STRA8: variants seen among roughly 807,000 people sequenced by gnomAD.
The protein encoded by STRA8 is stimulated by retinoic acid gene 8 protein homolog.
A neutral mutation model predicts 37.1 loss-of-function variants in STRA8; 18 were observed. The observed-to-expected ratio is 0.48, with a 90% CI of 0.34 to 0.72. STRA8 has a LOEUF of 0.72. Among genes scored for constraint, STRA8 ranks in the 30% least tolerant of loss-of-function variants. The pLI is 0.01. For synonymous variants in STRA8, 168 were observed against 162.9 expected, an observed-to-expected ratio of 1.03 and a Z score of -0.24; for missense variants, 357 against 410.4, an observed-to-expected ratio of 0.87 and a Z score of 1.13.
chr7:135,246,300 T>C lies in STRA8; in HGVS notation c.594-117T>C. 1 of 1,364,628 alleles carries C rather than the reference T, an allele frequency of 7.3e-7. No individual in the cohort carries two copies. Among genetic ancestry groups the C allele is most frequent in the Non-Finnish European group, 1.0e-6 (1 of 983,416 alleles). 84.5% of individuals were successfully genotyped at this position (1,364,628 alleles called of 1,614,324 possible). A position where few individuals can be genotyped will look rare whatever the true frequency, so the allele number is the denominator to read the frequency against. ...TGCAGAGTCTGAGAAGTCTCAGCCC[T>C]GGTGAGCCGTGGCGCCGTGGCCGGG... On this transcript the variant is annotated intron_variant, in intron 5 of 8. Transcript: ENST00000662584. The surrounding 1 kb of genome is among the most constrained non-coding windows in gnomAD (Gnocchi z 5.4).
At chr7:135,241,390 T>A (rs1037349994) in intron 2 of STRA8, among the ~76,000 whole-genome samples, 2 of 152,146 alleles carry the variant, frequency 1.3e-5, no homozygotes, top group Admixed American at 1.3e-4. Flanking sequence ...TCAAGTCTCC[T>A]TTTTAGGCAC....
intron 6 of STRA8, among the ~76,000 whole-genome samples, chr7:135,250,601 G>A (rs945037830): frequency 1.3e-5 from 2 of 152,210 alleles, no homozygotes; most frequent in African/African-American, 4.8e-5. Flanking sequence ...GTGTGTTGCA[G>A]GAAGGGAAGA....
Position 135,246,718 on chromosome 7 carries a change from G to A in STRA8, c.879+16G>A, listed in dbSNP as rs1222620040. ...GCCCGAGGAGGTGAGCAGGCCCACCGGGGTGGCGTGGATGGGGCACGGGAA... is the reference window on the plus strand; with the variant it reads ...GCCCGAGGAGGTGAGCAGGCCCACCAGGGTGGCGTGGATGGGGCACGGGAA... On this transcript the variant is annotated intron_variant, in intron 6 of 8. Coordinates refer to ENST00000662584, the MANE Select transcript of STRA8 (RefSeq NM_001394401.1). The surrounding 1 kb of genome is among the most constrained non-coding windows in gnomAD (Gnocchi z 5.4). 2.0e-6 allele frequency: 3 copies of A among 1,505,056 alleles called. No individual in the cohort carries two copies. The highest frequency in any genetic ancestry group is 2.5e-5 in the East Asian group (1 of 40,572). The allele number at this position is 1,505,056 out of a possible 1,614,324, so 93.2% of individuals were successfully genotyped here.
At chr7:135,255,292 G>A (rs1232487307) in intron 8 of STRA8, 67 bp downstream of exon 8, 16 of 1,253,614 alleles carry the variant, frequency 1.3e-5, no homozygotes, top group Non-Finnish European at 1.6e-5. Flanking sequence ...GGGCTCTTAA[G>A]GGCAGCCCTA....
At chr7:135,253,958 C>G (rs917198022) in intron 7 of STRA8, among the ~76,000 whole-genome samples, 3 of 152,174 alleles carry the variant, frequency 2.0e-5, no homozygotes, top group Non-Finnish European at 4.4e-5. Context: ...ACCCAGCTGG[C>G]CTTTCAGCAG....
chr7:135,234,088 G>GATTATTATT lies in STRA8; in HGVS notation c.-7+187_-7+188insTATTATTAT, dbSNP rs1491416343. On this transcript the variant is annotated intron_variant, in intron 1 of 8. Coordinates refer to ENST00000662584, the MANE Select transcript of STRA8 (RefSeq NM_001394401.1). ...TTTGAGAGTGATTCTGGATGATGAT[G>GATTATTATT]ATGATGATGATGATGATTATTATTA... 3.2e-4 allele frequency among the ~76,000 whole-genome samples: 48 copies of GATTATTATT among 148,184 alleles called. 1 individual carries two copies. The highest frequency in any genetic ancestry group is 1.2e-3 in the African/African-American group (48 of 39,540).
intron 8 of STRA8, 84 bp from the exon 9 acceptor site, chr7:135,258,334 C>T (rs574615098): frequency 1.4e-5 from 16 of 1,128,936 alleles, no homozygotes; most frequent in African/African-American, 6.2e-5. Flanking sequence ...GCTGGGCACA[C>T]CGGAGATGCA....
At chr7:135,245,240 A>C in intron 4 of STRA8, 48 bp from the exon 5 acceptor site, 1 of 780,396 alleles carries the variant, frequency 1.3e-6, no homozygotes, top group Admixed American at 1.7e-5. Context: ...GTCCATGTTC[A>C]TGAGGGATAT....
intron 4 of STRA8, among the ~76,000 whole-genome samples, chr7:135,243,961 G>T (rs1050874910): frequency 6.6e-6 from 1 of 152,232 alleles, no homozygotes; most frequent in Non-Finnish European, 1.5e-5. Flanking sequence ...AATGCTGAAA[G>T]GGGAACATTA....
intron 1 of STRA8, among the ~76,000 whole-genome samples, chr7:135,239,093 C>G (rs958566296): frequency 1.3e-5 from 2 of 152,236 alleles, no homozygotes; most frequent in African/African-American, 4.8e-5. Context: ...AAAAGTGTTT[C>G]AACATCCCAC....
chr7:135,243,189 T>G (rs1003385924), intron 3 of STRA8, 137 bp from the exon 4 acceptor site: 1 of 792,808 alleles, frequency 1.3e-6, no homozygotes, highest in South Asian at 1.8e-5. Flanking sequence ...AAGGAAAAAC[T>G]GGACCCTGGT....
intron 6 of STRA8, among the ~76,000 whole-genome samples, chr7:135,247,691 T>A (rs1297973512): frequency 6.6e-6 from 1 of 152,214 alleles, no homozygotes; most frequent in Non-Finnish European, 1.5e-5. Context: ...CAAAGAGCAC[T>A]GGGATCGCTC....
chr7:135,235,988 G>A (rs1743942682), intron 1 of STRA8, among the ~76,000 whole-genome samples: 1 of 151,964 alleles, frequency 6.6e-6, no homozygotes, highest in South Asian at 2.1e-4. Context: ...TGTAGTCCTA[G>A]CTACTCAGGA....
chr7:135,253,098 C>A (rs1240799922), intron 7 of STRA8, among the ~76,000 whole-genome samples: 2 of 152,146 alleles, frequency 1.3e-5, no homozygotes, highest in Admixed American at 6.5e-5. Context: ...CTATGCTCAG[C>A]TAATTTTTGT....
chr7:135,254,997 G>A, intron 7 of STRA8, 117 bp from the exon 8 acceptor site: 1 of 798,436 alleles, frequency 1.3e-6, no homozygotes, highest in Non-Finnish European at 2.2e-6. Flanking sequence ...TGGGCTGTCT[G>A]AGAATTTACA....
chr7:135,242,239 AGAGG>A (rs1315955467), intron 2 of STRA8, among the ~76,000 whole-genome samples: 9 of 88,390 alleles, frequency 1.0e-4, no homozygotes, highest in Non-Finnish European at 1.8e-4. Flanking sequence ...AGGGAGGGAG[AGAGG>A]GAGGGAGGGA....
chr7:135,235,424 CAT>C (rs1456993268), intron 1 of STRA8, among the ~76,000 whole-genome samples: 1 of 145,422 alleles, frequency 6.9e-6, no homozygotes, highest in Non-Finnish European at 1.5e-5. Context: ...TCCAGATACT[CAT>C]AGAATCATGA....
intron 1 of STRA8, among the ~76,000 whole-genome samples, chr7:135,238,337 C>T (rs1585467466): frequency 6.6e-6 from 1 of 152,174 alleles, no homozygotes; most frequent in African/African-American, 2.4e-5. Context: ...GCAGCCCTGG[C>T]GGCTCCTAGA....
chr7:135,235,055 A>G (rs1832349658), intron 1 of STRA8, among the ~76,000 whole-genome samples: 1 of 152,014 alleles, frequency 6.6e-6, no homozygotes. Context: ...TATTTTTTGT[A>G]GAAATGGGGT....
Sources: gnomAD v4.1 joint callset for allele counts (sites outside exome capture counted in the v4.1 genomes callset) on GRCh38, gnomAD v4.1.1 for gene constraint, Gnocchi (gnomAD v3.1) non-coding constraint, MANE v1.5 for transcripts, NCBI Gene and HGNC (gene_info 2026-07-23, HGNC 2026-07-21) for gene names.